The following MROH7 variants were observed in gnomAD, a reference collection of about 807,000 sequenced individuals.
The protein encoded by MROH7 is maestro heat like repeat family member 7, also known as maestro heat-like repeat-containing protein family member 7.
Under a neutral mutation model 129.2 loss-of-function variants are expected in MROH7, and 113 were observed. That is an observed-to-expected ratio of 0.87 (90% CI 0.75 to 1.02). MROH7 has a LOEUF of 1.02. MROH7 is among the 50% of genes least tolerant of loss of function. The pLI, the probability that MROH7 is intolerant of heterozygous loss-of-function variation, is 0.00. For synonymous variants in MROH7, 655 were observed against 667.9 expected (o/e 0.98, Z 0.30); for missense variants, 1,601 against 1,671.3 (o/e 0.96, Z 0.73).
chr1:54,686,254 A>G lies in MROH7; in HGVS notation c.2521-4A>G. ...ATCCCAGCAGCCTCCCCTCTGCCCC[A>G]TAGGCAGCCAGCGGCCTGTGCGAGC... is the stretch of plus-strand genomic sequence containing the variant. On this transcript the variant is annotated splice_polypyrimidine_tract_variant and splice_region_variant and intron_variant, in intron 14 of 23. Transcript: ENST00000421030. 2 of 1,610,312 alleles carry G rather than the reference A, an allele frequency of 1.2e-6. No individual in the cohort carries two copies. The highest frequency in any genetic ancestry group is 1.7e-6 in the Non-Finnish European group (2 of 1,177,940).
intron 16 of MROH7, among the ~76,000 whole-genome samples, chr1:54,693,934 T>G (rs1210438251): frequency 6.6e-6 from 1 of 152,228 alleles, no homozygotes; most frequent in East Asian, 1.9e-4. Context: ...CACGCTGGAG[T>G]GCAGTGGTGT....
At chr1:54,707,610 C>T (rs750565611) in intron 22 of MROH7, among the ~76,000 whole-genome samples, 2 of 152,252 alleles carry the variant, frequency 1.3e-5, no homozygotes, top group African/African-American at 4.8e-5. Flanking sequence ...CTACTTCCTA[C>T]GTGCTGATTT....
intron 15 of MROH7, among the ~76,000 whole-genome samples, chr1:54,690,438 GTT>G (rs755023511): frequency 0.16 from 22,713 of 144,090 alleles, 1,983 homozygotes; most frequent in East Asian, 0.28. Flanking sequence ...AAGTTCAGAA[GTT>G]TTTTTTTTTT....
chr1:54,644,325 T>C (rs1644430968), intron 1 of MROH7, among the ~76,000 whole-genome samples: 1 of 151,248 alleles, frequency 6.6e-6, no homozygotes, highest in Admixed American at 6.6e-5. Flanking sequence ...TCTCTTTCTT[T>C]CTCTTCTCTT....
chr1:54,697,592 C>A, intron 17 of MROH7: 1 of 679,108 alleles, frequency 1.5e-6, no homozygotes, highest in Non-Finnish European at 2.7e-6. Flanking sequence ...ACTTACAGGC[C>A]TACTATGTGC....
chr1:54,679,545 C>G lies in MROH7; in HGVS notation c.2226+106C>G. The stretch of plus-strand genomic sequence containing the variant: ...CAGACAGTGGGCAGGGTGGGGTATA[C>G]CTGAACCCCCTAAGCCATGGGGCAG... On this transcript the variant is annotated intron_variant, in intron 12 of 23. Coordinates refer to ENST00000421030, the MANE Select transcript of MROH7 (RefSeq NM_001039464.4). 4 of 1,242,144 alleles carry G rather than the reference C, an allele frequency of 3.2e-6. 1 individual carries two copies. In the South Asian group the frequency reaches 5.8e-5, roughly 18 times the overall value. 76.9% of individuals were successfully genotyped at this position (1,242,144 alleles called of 1,614,324 possible).
At position 54,661,642 on chromosome 1, in the gene MROH7, C is replaced by G. The variant is rs529964058; in HGVS notation, c.1232-3525C>G. Among the ~76,000 whole-genome samples, 7 of 152,044 alleles carry G rather than the reference C, an allele frequency of 4.6e-5. No individual in the cohort carries two copies. In the South Asian group the frequency reaches 1.5e-3, roughly 32 times the overall value. On this transcript the variant is annotated intron_variant, in intron 3 of 23. Coordinates refer to ENST00000421030, the MANE Select transcript of MROH7 (RefSeq NM_001039464.4). ...CAGAGTTTTGCTCTTGTTGCCCAGG[C>G]TGGAGTGCAGTGGAGCAATCTTGGC...
chr1:54,697,444 C>A, intron 17 of MROH7: 1 of 467,916 alleles, frequency 2.1e-6, no homozygotes, highest in South Asian at 4.8e-5. Context: ...CTGCAGGTCA[C>A]CAGCAGAATG....
At chr1:54,664,383 G>T (rs1644779917) in intron 3 of MROH7, among the ~76,000 whole-genome samples, 2 of 152,234 alleles carry the variant, frequency 1.3e-5, no homozygotes, top group South Asian at 4.1e-4. Context: ...AGAGCCCCAG[G>T]GTGGGGGTGG....
In MROH7 at chr1:54,652,841, C is replaced by A. The variant is rs1408177819; in HGVS notation, c.-74-12C>A. On this transcript the variant is annotated splice_polypyrimidine_tract_variant and intron_variant, in intron 2 of 23. Transcript: ENST00000421030. The stretch of plus-strand genomic sequence containing the variant: ...TGTGGCATGGCTGCATTTGTCTTTT[C>A]TCTCTCTCAAGACTGCTGCTGGGAA... The A allele has an allele frequency of 2.0e-6, 3 of 1,499,554 alleles. No individual in the cohort carries two copies. The highest frequency in any genetic ancestry group is 2.7e-6 in the Non-Finnish European group (3 of 1,120,690). The allele number at this position is 1,499,554 out of a possible 1,614,324, so 92.9% of individuals were successfully genotyped here.
At chr1:54,666,596 G>A (rs960511337) in intron 4 of MROH7, among the ~76,000 whole-genome samples, 5 of 106,576 alleles carry the variant, frequency 4.7e-5, no homozygotes, top group African/African-American at 4.0e-5. Context: ...CTCTGTGCCC[G>A]GCCCTGGGCT....
chr1:54,692,432 T>C lies in MROH7; in HGVS notation c.2720T>C (p.Val907Ala), dbSNP rs1557721313. Residue 907 changes from valine to alanine, a missense_variant, in exon 16 of 24, where the codon GTG (valine) becomes GCG (alanine). Transcript: ENST00000421030. Reference sequence around the variant, plus strand: ...TTGCCTTGTCTTGGCAGCTGGGTGGTGAAAGTGGTGAAAACCCTGCTACTG... The same window carrying C: ...TTGCCTTGTCTTGGCAGCTGGGTGGCGAAAGTGGTGAAAACCCTGCTACTG... ...PSPFVPVRWV[V>A]KVVKTLLLRM... is the part of the protein sequence containing the mutation. 4 of 1,613,900 alleles carry C rather than the reference T, an allele frequency of 2.5e-6. No individual in the cohort carries two copies. Among genetic ancestry groups the C allele is most frequent in the Non-Finnish European group, 1.7e-6 (2 of 1,179,924 alleles).
At chr1:54,673,493 C>T (rs925988005) in intron 8 of MROH7, among the ~76,000 whole-genome samples, 4 of 152,158 alleles carry the variant, frequency 2.6e-5, no homozygotes, top group Non-Finnish European at 5.9e-5. Context: ...CTTCATCTGT[C>T]TCCTCATTGA....
At chr1:54,679,148 C>T in intron 11 of MROH7, 115 bp from the exon 12 acceptor site, 1 of 1,060,058 alleles carries the variant, frequency 9.4e-7, no homozygotes, top group South Asian at 1.3e-5. Context: ...CTGGCCCTCC[C>T]TGCTGACCTC....
At position 54,679,995 on chromosome 1, in the gene MROH7, C is replaced by T. The variant is rs775809673; in HGVS notation, c.2331C>T (p.Phe777=). ...LLPVSLLASS[F]MTEVVVALLM... ...CCGTCTCCCTCCTGGCTAGCTCCTTCATGACCGAGGTTGTGGTGGCCCTGC... is the reference window on the plus strand; with the variant it reads ...CCGTCTCCCTCCTGGCTAGCTCCTTTATGACCGAGGTTGTGGTGGCCCTGC... The change falls in exon 13 of 24, where the codon TTC becomes TTT. Residue 777 remains phenylalanine (F), a synonymous_variant. Coordinates refer to ENST00000421030, the MANE Select transcript of MROH7 (RefSeq NM_001039464.4). The T allele has an allele frequency of 1.9e-6, 3 of 1,613,988 alleles. No individual in the cohort carries two copies. Among genetic ancestry groups the T allele is most frequent in the Admixed American group, 3.3e-5 (2 of 60,000 alleles).
At chr1:54,684,099 A>T (rs1645111144) in intron 14 of MROH7, among the ~76,000 whole-genome samples, 1 of 152,214 alleles carries the variant, frequency 6.6e-6, no homozygotes. Flanking sequence ...TTTTTTCAAT[A>T]AGTGTTTAGT....
chr1:54,651,348 G>C (rs1159673992), intron 1 of MROH7: 1 of 152,248 alleles, frequency 6.6e-6, no homozygotes, highest in Non-Finnish European at 1.5e-5. Flanking sequence ...AAGGTGGCCT[G>C]AGAACTTTCA....
intron 4 of MROH7, among the ~76,000 whole-genome samples, chr1:54,667,802 G>A (rs1019225392): frequency 1.3e-5 from 2 of 152,060 alleles, no homozygotes; most frequent in African/African-American, 2.4e-5. Context: ...TGGGCATGGT[G>A]GCCCAGTAGT....
intron 11 of MROH7, 97 bp from the exon 12 acceptor site, chr1:54,679,165 TG>T: frequency 3.3e-6 from 4 of 1,216,474 alleles, no homozygotes; most frequent in Non-Finnish European, 4.9e-6. Flanking sequence ...CCTCTGCATG[TG>T]GGCGTCAGGC....
Sources: allele counts gnomAD v4.1 joint callset (sites outside exome capture counted in the v4.1 genomes callset), GRCh38; gene constraint gnomAD v4.1.1; transcripts MANE v1.5; gene names NCBI Gene and HGNC (gene_info 2026-07-23, HGNC 2026-07-21).